RALYL: variants seen among roughly 807,000 people sequenced by gnomAD.
RALYL encodes the protein RALY RNA binding protein like, also known as RNA-binding Raly-like protein.
In RALYL, 29 loss-of-function variants were observed where a neutral mutation model predicts 35.1. The observed-to-expected ratio is 0.83, with a 90% confidence interval of 0.61 to 1.13. The LOEUF (loss-of-function observed/expected upper bound fraction) is 1.13, where lower values mean the gene tolerates loss of function less well. Among genes scored for constraint, RALYL ranks in the 50% most tolerant of loss-of-function variants. The probability of loss-of-function intolerance (pLI) is 0.00; values close to 1 mark genes in which losing one functional copy is unlikely to be tolerated. For synonymous variants in RALYL, 120 were observed against 127.6 expected (o/e 0.94, Z 0.40); for missense variants, 359 against 360.4 (o/e 1.00, Z 0.03).
chr8:84,690,706 T>A (rs1379201035), intron 2 of RALYL, among the ~76,000 whole-genome samples: 1 of 152,014 alleles, frequency 6.6e-6, no homozygotes, highest in African/African-American at 2.4e-5. Flanking sequence ...AAGGAACTAT[T>A]GTTTTTAATA....
rs753199330 is a variant in RALYL, at chr8:84,348,986, G to T, written c.-24+164562G>T. Among the ~76,000 whole-genome samples the T allele has an allele frequency of 3.3e-4, 50 of 150,124 alleles. 1 individual carries two copies. Among genetic ancestry groups the T allele is most frequent in the Non-Finnish European group, 6.1e-4 (41 of 67,700 alleles). On this transcript the variant is annotated intron_variant, in intron 1 of 8. Transcript: ENST00000521268. Reference sequence around the variant, plus strand: ...ATTCAGGCAACCCTGAAACAGGCTGGGTAGGGAAGAGAAGCCTAACACCAC... The same window carrying T: ...ATTCAGGCAACCCTGAAACAGGCTGTGTAGGGAAGAGAAGCCTAACACCAC...
intron 1 of RALYL, among the ~76,000 whole-genome samples, chr8:84,345,834 T>G (rs899602096): frequency 7.2e-5 from 11 of 152,080 alleles, no homozygotes; most frequent in African/African-American, 2.7e-4. Context: ...CTAGTGGGGT[T>G]GACAGATATT....
intron 2 of RALYL, among the ~76,000 whole-genome samples, chr8:84,585,431 A>G (rs932293066): frequency 6.6e-6 from 1 of 152,192 alleles, no homozygotes; most frequent in Non-Finnish European, 1.5e-5. Flanking sequence ...TGACAATAGT[A>G]TACATGAATT....
At chr8:84,577,597 A>T (rs1451821285) in intron 2 of RALYL, among the ~76,000 whole-genome samples, 11 of 152,240 alleles carry the variant, frequency 7.2e-5, no homozygotes, top group Admixed American at 7.2e-4. Flanking sequence ...AAATGTTAAT[A>T]TGAATTCCCC....
chr8:84,856,757 G>T (rs966868803), intron 5 of RALYL, among the ~76,000 whole-genome samples: 2 of 152,044 alleles, frequency 1.3e-5, no homozygotes, highest in Non-Finnish European at 2.9e-5. Context: ...GGCCGGGCGC[G>T]GTGGCTCACG....
chr8:84,316,896 A>G (rs974650290), intron 1 of RALYL, among the ~76,000 whole-genome samples: 3 of 152,176 alleles, frequency 2.0e-5, no homozygotes, highest in Non-Finnish European at 4.4e-5. Flanking sequence ...GTGTCTGATC[A>G]TTTGCTTAGC....
chr8:84,313,129 G>A (rs1399967958), intron 1 of RALYL, among the ~76,000 whole-genome samples: 1 of 152,188 alleles, frequency 6.6e-6, no homozygotes, highest in Non-Finnish European at 1.5e-5. Context: ...TGAAGCAACA[G>A]CCCGAGCTGT....
At chr8:84,266,498 C>T (rs947164888) in intron 1 of RALYL, among the ~76,000 whole-genome samples, 1 of 152,134 alleles carries the variant, frequency 6.6e-6, no homozygotes, top group Non-Finnish European at 1.5e-5. Context: ...CTGTTTAGTC[C>T]TGAAGGCAGG....
intron 1 of RALYL, among the ~76,000 whole-genome samples, chr8:84,428,106 T>TCTCTCTCACA (rs1182382963): frequency 7.1e-5 from 9 of 127,340 alleles, no homozygotes; most frequent in African/African-American, 1.2e-4. Flanking sequence ...TCTCTCTCTC[T>TCTCTCTCACA]CACACACACA....
chr8:84,538,718 A>G (rs921057483), intron 2 of RALYL, among the ~76,000 whole-genome samples: 2 of 152,174 alleles, frequency 1.3e-5, no homozygotes, highest in African/African-American at 4.8e-5. Context: ...GCATGATGTA[A>G]TACAGATCAA....
At chr8:84,290,951 A>G (rs1012906646) in intron 1 of RALYL, among the ~76,000 whole-genome samples, 26 of 138,534 alleles carry the variant, frequency 1.9e-4, no homozygotes, top group Non-Finnish European at 3.1e-4. Context: ...TTTCTATAAT[A>G]CTTTTGATAT....
chr8:84,208,957 T>A (rs928142775), intron 1 of RALYL, among the ~76,000 whole-genome samples: 8 of 151,778 alleles, frequency 5.3e-5, no homozygotes, highest in African/African-American at 1.7e-4. Context: ...GCTGGAAGAC[T>A]GTATTGGCTG....
intron 8 of RALYL, among the ~76,000 whole-genome samples, chr8:84,912,746 T>G (rs16913450): frequency 0.051 from 7,707 of 152,114 alleles, 266 homozygotes; most frequent in African/African-American, 0.077. Flanking sequence ...ATTGCCAACC[T>G]TCACACAAGG....
At position 84,481,536 on chromosome 8, in the gene RALYL, C is replaced by G. The variant is rs1297020233; in HGVS notation, c.-23-47763C>G. Among the ~76,000 whole-genome samples, 32 of 151,956 alleles carry G rather than the reference C, an allele frequency of 2.1e-4. 1 individual carries two copies. The highest frequency in any genetic ancestry group is 2.1e-3 in the Admixed American group (32 of 15,248). ...TGAATGTTCATAGAAATTCTATTTACAATGCAATTTAAATATAATTTCAAC... is the reference window on the plus strand; with the variant it reads ...TGAATGTTCATAGAAATTCTATTTAGAATGCAATTTAAATATAATTTCAAC... On this transcript the variant is annotated intron_variant, in intron 1 of 8. Transcript: ENST00000521268.
intron 2 of RALYL, among the ~76,000 whole-genome samples, chr8:84,531,225 T>G (rs1444154465): frequency 6.6e-6 from 1 of 151,794 alleles, no homozygotes; most frequent in Non-Finnish European, 1.5e-5. Flanking sequence ...GCTAGGAGAG[T>G]GTTAAGAATA....
intron 1 of RALYL, among the ~76,000 whole-genome samples, chr8:84,383,956 A>G (rs955603884): frequency 6.6e-6 from 1 of 151,754 alleles, no homozygotes; most frequent in Non-Finnish European, 1.5e-5. Context: ...AAAAGGATAA[A>G]GAAACAACTT....
intron 1 of RALYL, among the ~76,000 whole-genome samples, chr8:84,387,072 T>A (rs565902478): frequency 1.3e-5 from 2 of 151,976 alleles, no homozygotes; most frequent in African/African-American, 4.8e-5. Flanking sequence ...CCATTGTCTA[T>A]AAAATAAATA....
chr8:84,235,221 CA>C (rs1483008371), intron 1 of RALYL, among the ~76,000 whole-genome samples: 2 of 151,962 alleles, frequency 1.3e-5, no homozygotes, highest in Non-Finnish European at 2.9e-5. Context: ...TTGACAAGTG[CA>C]ATTTTATTTT....
chr8:84,530,305 TA>T (rs1415630606), intron 2 of RALYL, among the ~76,000 whole-genome samples: 1 of 152,114 alleles, frequency 6.6e-6, no homozygotes, highest in Non-Finnish European at 1.5e-5. Flanking sequence ...TTCCTCAATT[TA>T]TGTTTCTTGT....
Sources: allele counts gnomAD v4.1 joint callset (sites outside exome capture counted in the v4.1 genomes callset), GRCh38; gene constraint gnomAD v4.1.1; transcripts MANE v1.5; gene names NCBI Gene and HGNC (gene_info 2026-07-23, HGNC 2026-07-21).